ARHGAP21: variants seen among roughly 807,000 people sequenced by gnomAD.
ARHGAP21 encodes Rho GTPase activating protein 21, also known as rho GTPase-activating protein 21.
In ARHGAP21, 38 loss-of-function variants were observed where a neutral mutation model predicts 164.6. The ratio of observed to expected loss-of-function variants is 0.23; its 90% confidence interval spans 0.18 to 0.30. The LOEUF is 0.30. Among genes scored for constraint, ARHGAP21 ranks in the 10% least tolerant of loss-of-function variants. The probability of loss-of-function intolerance (pLI) is 1.00; values close to 1 mark genes in which losing one functional copy is unlikely to be tolerated. For synonymous variants in ARHGAP21, 766 were observed against 857.9 expected (o/e 0.89, Z 1.87); for missense variants, 1,822 against 2,370.7 (o/e 0.77, Z 4.81).
intron 2 of ARHGAP21, among the ~76,000 whole-genome samples, chr10:24,699,932 C>A (rs945112916): frequency 6.6e-6 from 1 of 152,160 alleles, no homozygotes; most frequent in Non-Finnish European, 1.5e-5. Flanking sequence ...AACGTTCCTG[C>A]GGCATTTTTC....
intron 4 of ARHGAP21, among the ~76,000 whole-genome samples, chr10:24,639,919 C>CA (rs56817024): frequency 0.34 from 51,194 of 148,890 alleles, 10,708 homozygotes; most frequent in African/African-American, 0.59. Flanking sequence ...ATTAAGTATA[C>CA]AAAAAAAAAC....
At chr10:24,708,184 G>T (rs1222426510) in intron 2 of ARHGAP21, among the ~76,000 whole-genome samples, 1 of 152,194 alleles carries the variant, frequency 6.6e-6, no homozygotes, top group Non-Finnish European at 1.5e-5. Context: ...TGAAAAGCTT[G>T]TTTCTAACTA....
intron 2 of ARHGAP21, among the ~76,000 whole-genome samples, chr10:24,713,022 G>C (rs557794475): frequency 6.6e-6 from 1 of 151,692 alleles, no homozygotes; most frequent in Admixed American, 6.6e-5. Flanking sequence ...GATCACACTA[G>C]CTATGCCACA....
At chr10:24,623,190 C>T (rs987957828) in intron 7 of ARHGAP21, among the ~76,000 whole-genome samples, 1 of 152,188 alleles carries the variant, frequency 6.6e-6, no homozygotes, top group Non-Finnish European at 1.5e-5. Context: ...GTACAACCTC[C>T]TCCTTCCCCA....
At chr10:24,649,674 A>G (rs1316251994) in intron 4 of ARHGAP21, among the ~76,000 whole-genome samples, 2 of 152,046 alleles carry the variant, frequency 1.3e-5, no homozygotes, top group East Asian at 1.9e-4. Context: ...CCCAAGTAAT[A>G]ATTTTTGAAG....
intron 5 of ARHGAP21, among the ~76,000 whole-genome samples, chr10:24,634,433 G>T (rs1836170542): frequency 6.6e-6 from 1 of 152,128 alleles, no homozygotes; most frequent in South Asian, 2.1e-4. Flanking sequence ...ATTTTAGAGT[G>T]TGCACTAATA....
intron 5 of ARHGAP21, 137 bp from the exon 6 acceptor site, chr10:24,633,617 AATT>A: frequency 2.0e-6 from 1 of 494,546 alleles, no homozygotes; most frequent in East Asian, 3.2e-5. Flanking sequence ...GTTGTGAGAA[AATT>A]ATTAGTATCA....
intron 7 of ARHGAP21, chr10:24,628,982 ATTTTTTTTTTTTTTTT>A (rs1166249007): frequency 3.4e-4 from 4 of 11,634 alleles, no homozygotes; most frequent in South Asian, 6.3e-3. Context: ...ATATATATAT[ATTTTTTTTTTTTTTTT>A]TTTTTTTTTT....
chr10:24,600,961 C>A, intron 13 of ARHGAP21, 31 bp from the exon 14 acceptor site: 1 of 1,592,806 alleles, frequency 6.3e-7, no homozygotes, highest in South Asian at 1.1e-5. Context: ...CTTTAATAGT[C>A]AATATTTGGC....
intron 2 of ARHGAP21, among the ~76,000 whole-genome samples, chr10:24,712,579 C>T (rs530685657): frequency 6.6e-6 from 1 of 152,098 alleles, no homozygotes; most frequent in Non-Finnish European, 1.5e-5. Flanking sequence ...GGAATAATGA[C>T]AAGAACAAAA....
In ARHGAP21 at chr10:24,583,758, CTA is replaced by C. The variant is rs1249763646; in HGVS notation, c.*652_*653del. 1 of 152,592 alleles carries C rather than the reference CTA, an allele frequency of 6.6e-6. No homozygotes were observed. Among genetic ancestry groups the C allele is most frequent in the Admixed American group, 6.5e-5 (1 of 15,276 alleles). 9.5% of individuals were successfully genotyped at this position (152,592 alleles called of 1,614,324 possible). On this transcript the variant is annotated 3_prime_UTR_variant, in exon 26 of 26. Transcript: ENST00000396432. ...CATCCAGGATCCACTATCTACACACCTATGTTACAACATTATATCAAATCTGG... is the reference window on the plus strand; with the variant it reads ...CATCCAGGATCCACTATCTACACACCTGTTACAACATTATATCAAATCTGG...
At chr10:24,610,041 T>A (rs909744235) in intron 9 of ARHGAP21, among the ~76,000 whole-genome samples, 2 of 152,220 alleles carry the variant, frequency 1.3e-5, no homozygotes, top group Non-Finnish European at 2.9e-5. Flanking sequence ...TTAAGTGGCA[T>A]AAACATTCGT....
At chr10:24,653,449 G>A (rs753266263) in intron 4 of ARHGAP21, among the ~76,000 whole-genome samples, 5 of 152,064 alleles carry the variant, frequency 3.3e-5, no homozygotes, top group East Asian at 1.9e-4. Flanking sequence ...GGTGGCGGGC[G>A]CCTATAGTCC....
chr10:24,674,290 T>G (rs757112071), intron 2 of ARHGAP21, among the ~76,000 whole-genome samples: 13 of 152,050 alleles, frequency 8.5e-5, no homozygotes, highest in South Asian at 2.1e-4. Flanking sequence ...TCCCAGCACT[T>G]TGGGAGGCTA....
intron 7 of ARHGAP21, among the ~76,000 whole-genome samples, chr10:24,627,970 C>T (rs1011172446): frequency 1.3e-5 from 2 of 152,186 alleles, no homozygotes; most frequent in Non-Finnish European, 2.9e-5. Flanking sequence ...TACTGAAGAT[C>T]GGAAAACAGT....
chr10:24,647,779 A>T (rs1431901346), intron 4 of ARHGAP21, among the ~76,000 whole-genome samples: 1 of 152,206 alleles, frequency 6.6e-6, no homozygotes, highest in Admixed American at 6.5e-5. Flanking sequence ...ACATAAAAGA[A>T]ATTATTTTCC....
intron 2 of ARHGAP21, among the ~76,000 whole-genome samples, chr10:24,702,022 T>C (rs1421301473): frequency 2.0e-5 from 3 of 152,144 alleles, no homozygotes; most frequent in Non-Finnish European, 4.4e-5. Flanking sequence ...ACTTCTTGTA[T>C]CTGGCTCCAT....
At chr10:24,663,669 G>C (rs1839914804) in intron 4 of ARHGAP21, among the ~76,000 whole-genome samples, 1 of 152,106 alleles carries the variant, frequency 6.6e-6, no homozygotes, top group African/African-American at 2.4e-5. Context: ...GCTGGGATTA[G>C]AAGCGTGCAT....
At chr10:24,720,578 T>C (rs1845829687) in intron 2 of ARHGAP21, among the ~76,000 whole-genome samples, 1 of 152,216 alleles carries the variant, frequency 6.6e-6, no homozygotes, top group Non-Finnish European at 1.5e-5. Context: ...TGTACAGTAA[T>C]AGCACACTGT....
Sources: allele counts gnomAD v4.1 joint callset (sites outside exome capture counted in the v4.1 genomes callset), GRCh38; gene constraint gnomAD v4.1.1; transcripts MANE v1.5; gene names NCBI Gene and HGNC (gene_info 2026-07-23, HGNC 2026-07-21).